CFAP46: variants seen among roughly 807,000 people sequenced by gnomAD.
CFAP46 encodes the protein cilia- and flagella-associated protein 46.
Under a neutral mutation model 325.7 loss-of-function variants are expected in CFAP46, and 245 were observed. The observed-to-expected ratio is 0.75, with a 90% CI of 0.68 to 0.84. The LOEUF is 0.84. Ranked by LOEUF, CFAP46 falls within the 40% of genes least tolerant of loss-of-function variation. The pLI, the probability that CFAP46 is intolerant of heterozygous loss-of-function variation, is 0.00. For synonymous variants in CFAP46, 1,523 were observed against 1,495.9 expected (o/e 1.02, Z -0.42); for missense variants, 3,346 against 3,543.0 (o/e 0.94, Z 1.41).
intron 50 of CFAP46, among the ~76,000 whole-genome samples, chr10:132,818,242 C>G (rs1847731870): frequency 6.6e-6 from 1 of 151,856 alleles, no homozygotes; most frequent in Non-Finnish European, 1.5e-5. Context: ...AAGCGATGTG[C>G]AGACAGCTGG....
At position 132,908,469 on chromosome 10, in the gene CFAP46, G is replaced by A. The variant is rs763485256; in HGVS notation, c.2923C>T (p.Pro975Ser). Residue 975 changes from proline (P) to serine (S), a missense_variant and splice_region_variant, in exon 22 of 58, where the codon CCC becomes TCC. Transcript: ENST00000368586. Reference protein sequence around the residue: ...MGIKYLKKFGPEESRLVAEML... With the variant: ...MGIKYLKKFGSEESRLVAEML... ...TGTCCAGTCATGAGGGTTACTTACG[G>A]CCCAAATTTCTTCAGGTACTTGATG... The A allele has an allele frequency of 1.9e-6, 3 of 1,550,460 alleles. No individual in the cohort carries two copies. The highest frequency in any genetic ancestry group is 2.4e-5 in the East Asian group (1 of 40,914).
At chr10:132,813,725 C>T (rs547634781) in intron 54 of CFAP46, among the ~76,000 whole-genome samples, 49 of 151,906 alleles carry the variant, frequency 3.2e-4, no homozygotes, top group African/African-American at 9.4e-4. Flanking sequence ...CCGCCCCTGG[C>T]GTGGAGCCTG....
chr10:132,917,438 C>T (rs1642930698), intron 16 of CFAP46, among the ~76,000 whole-genome samples: 2 of 152,254 alleles, frequency 1.3e-5, no homozygotes, highest in South Asian at 4.1e-4. Context: ...TACCTGCTGA[C>T]TTTGGGCAGG....
Position 132,872,493 on chromosome 10 carries a change from A to C in CFAP46, c.4511+183T>G, listed in dbSNP as rs181488160. 3.4e-4 allele frequency: 251 copies of C among 729,234 alleles called. No homozygotes were observed. In the African/African-American group the frequency reaches 4.0e-3, roughly 12 times the overall value. 45.2% of individuals were successfully genotyped at this position (729,234 alleles called of 1,614,324 possible). A position where few individuals can be genotyped will look rare whatever the true frequency, so the allele number is the denominator to read the frequency against. On this transcript the variant is annotated intron_variant, in intron 32 of 57. Transcript: ENST00000368586. ...AGGCTGGTCTCAAACTCCTGGGATC[A>C]AATAGTCCTCCCGTCCCAACCAAAA...
chr10:132,905,194 A>T (rs1024744500), intron 22 of CFAP46, among the ~76,000 whole-genome samples: 7 of 152,214 alleles, frequency 4.6e-5, no homozygotes, highest in Non-Finnish European at 1.0e-4. Flanking sequence ...TAAAAGTGGA[A>T]TATCAGTGAA....
chr10:132,913,871 G>A (rs1849597582), intron 17 of CFAP46, among the ~76,000 whole-genome samples: 1 of 148,634 alleles, frequency 6.7e-6, no homozygotes, highest in Non-Finnish European at 1.5e-5. Flanking sequence ...TCCACCTGAA[G>A]CCTGGCCTGG....
At chr10:132,881,112 T>C in intron 27 of CFAP46, 80 bp from the exon 28 acceptor site, 1 of 1,310,466 alleles carries the variant, frequency 7.6e-7, no homozygotes, top group Non-Finnish European at 1.1e-6. Context: ...CTTTTATTGC[T>C]CATTTTCTAC....
intron 40 of CFAP46, 103 bp downstream of exon 40, chr10:132,851,014 A>G: frequency 7.3e-7 from 1 of 1,379,022 alleles, no homozygotes; most frequent in African/African-American, 1.4e-5. Flanking sequence ...CCGCACCGCC[A>G]GGTGCACAGT....
At chr10:132,903,493 T>A (rs1591081734) in intron 22 of CFAP46, among the ~76,000 whole-genome samples, 1 of 152,228 alleles carries the variant, frequency 6.6e-6, no homozygotes, top group East Asian at 1.9e-4. Context: ...GACTCTTCCA[T>A]CTGGGCCCGC....
In CFAP46 at chr10:132,868,449, CTGCACAGATAACTCACGG is replaced by C. The variant is rs572581497; in HGVS notation, c.4610+807_4610+824del. Among the ~76,000 whole-genome samples the C allele has an allele frequency of 9.8e-3, 1,487 of 152,330 alleles. 16 individuals are homozygous for C. The highest frequency in any genetic ancestry group is 0.039 in the South Asian group (190 of 4,826). ...GACACGGTTCCAATGTTCAGCCGGG[CTGCACAGATAACTCACGG>C]TGCACAGATAACTCACGGTACTGAA... On this transcript the variant is annotated intron_variant, in intron 33 of 57. Coordinates refer to ENST00000368586, the MANE Select transcript of CFAP46 (RefSeq NM_001200049.3).
intron 7 of CFAP46, 61 bp from the exon 8 acceptor site, chr10:132,934,923 T>A: frequency 9.4e-7 from 1 of 1,064,876 alleles, no homozygotes; most frequent in Non-Finnish European, 1.5e-6. Flanking sequence ...CAAATTCTTC[T>A]AAGAGAAACT....
chr10:132,852,614 T>C (rs990000831), intron 39 of CFAP46, among the ~76,000 whole-genome samples: 36 of 152,374 alleles, frequency 2.4e-4, no homozygotes, highest in African/African-American at 7.9e-4. Flanking sequence ...ACGCGGTCTG[T>C]TTCTCCATTT....
At chr10:132,841,902 G>A (rs1378121116) in intron 44 of CFAP46, among the ~76,000 whole-genome samples, 2 of 152,200 alleles carry the variant, frequency 1.3e-5, no homozygotes, top group Non-Finnish European at 2.9e-5. Flanking sequence ...CTCCAGGCTT[G>A]CAATGGGAGG....
intron 45 of CFAP46, 35 bp from the exon 46 acceptor site, chr10:132,836,253 G>A (rs767274748): frequency 1.2e-6 from 2 of 1,601,978 alleles, no homozygotes; most frequent in South Asian, 1.1e-5. Context: ...TCGCAGGCAA[G>A]CCATGAAGGA....
intron 22 of CFAP46, among the ~76,000 whole-genome samples, chr10:132,904,892 G>A (rs1742626636): frequency 6.6e-6 from 1 of 152,132 alleles, no homozygotes; most frequent in African/African-American, 2.4e-5. Flanking sequence ...AGCTCACTCA[G>A]ACCCCCTGCA....
chr10:132,932,591 C>CGGCT (rs1849929463), intron 8 of CFAP46, among the ~76,000 whole-genome samples: 2 of 144,450 alleles, frequency 1.4e-5, no homozygotes, highest in African/African-American at 5.1e-5. Flanking sequence ...ATAGATCCTG[C>CGGCT]AGCTTCCTCC....
intron 9 of CFAP46, chr10:132,929,409 G>A (rs1849857009): frequency 2.9e-6 from 2 of 683,756 alleles, no homozygotes; most frequent in Non-Finnish European, 5.5e-6. Context: ...GGATGTTCTG[G>A]ATCATCAGCA....
intron 57 of CFAP46, 77 bp downstream of exon 57, chr10:132,810,332 G>T (rs541039035): frequency 1.7e-6 from 2 of 1,202,610 alleles, no homozygotes. Context: ...CTGCAGGGCT[G>T]TGCAGTGCAC....
intron 50 of CFAP46, among the ~76,000 whole-genome samples, chr10:132,821,962 G>GA: frequency 6.8e-6 from 1 of 146,856 alleles, no homozygotes; most frequent in Non-Finnish European, 1.5e-5. Flanking sequence ...TGTGTGTGCT[G>GA]TGTGTGCGCT....
Sources: gnomAD v4.1 joint callset for allele counts (sites outside exome capture counted in the v4.1 genomes callset) on GRCh38, gnomAD v4.1.1 for gene constraint, MANE v1.5 for transcripts, NCBI Gene and HGNC (gene_info 2026-07-23, HGNC 2026-07-21) for gene names.